The following TRPC4AP variants were observed in gnomAD, a reference collection of about 807,000 sequenced individuals.
TRPC4AP encodes the protein transient receptor potential cation channel subfamily C member 4 associated protein.
A neutral mutation model predicts 99.0 loss-of-function variants in TRPC4AP; 45 were observed. The observed-to-expected ratio is 0.45, with a 90% CI of 0.36 to 0.58. The LOEUF (loss-of-function observed/expected upper bound fraction) is 0.58. TRPC4AP is among the 20% of genes least tolerant of loss of function. The pLI is 0.00. For synonymous variants in TRPC4AP, 408 were observed against 385.8 expected, an observed-to-expected ratio of 1.06 and a Z score of -0.67; for missense variants, 879 against 985.3, an observed-to-expected ratio of 0.89 and a Z score of 1.44.
In TRPC4AP at chr20:35,092,614, C is replaced by T. The variant is rs1485056597; in HGVS notation, c.168G>A (p.Gln56=). 4 of 1,509,196 alleles carry T rather than the reference C, an allele frequency of 2.7e-6. No homozygotes were observed. Among genetic ancestry groups the T allele is most frequent in the Non-Finnish European group, 2.6e-6 (3 of 1,136,776 alleles). 93.5% of individuals were successfully genotyped at this position (1,509,196 alleles called of 1,614,324 possible). Residue 56 remains glutamine (Q), a splice_region_variant and synonymous_variant, in exon 1 of 19, where the codon CAG becomes CAA. Coordinates refer to ENST00000252015, the MANE Select transcript of TRPC4AP (RefSeq NM_015638.3). ...CGCCCCTCCTGGTCCAGCCTCGTAC[C>T]TGCACCGCCCGGACCAGGCCCCGGC... ...LTGRGLVRAV[Q]FTETFLTERD...
At chr20:35,074,234 T>C (rs572735060) in intron 2 of TRPC4AP, among the ~76,000 whole-genome samples, 7 of 152,208 alleles carry the variant, frequency 4.6e-5, no homozygotes, top group Non-Finnish European at 8.8e-5. Context: ...CTGGATTCAT[T>C]GATTTTTTGA....
chr20:35,048,595 T>C (rs1362249404), intron 6 of TRPC4AP, among the ~76,000 whole-genome samples: 2 of 152,222 alleles, frequency 1.3e-5, no homozygotes, highest in Non-Finnish European at 2.9e-5. Flanking sequence ...TTTCCCAGTT[T>C]ATGGTGTTTC....
chr20:35,045,955 C>T (rs6088691), intron 6 of TRPC4AP, among the ~76,000 whole-genome samples: 28,030 of 152,178 alleles, frequency 0.18, 2,674 homozygotes, highest in Middle Eastern at 0.34. Flanking sequence ...ATGTATGAGC[C>T]ACTGTGCCTG....
chr20:35,079,034 C>T (rs941441419), intron 1 of TRPC4AP, among the ~76,000 whole-genome samples: 4 of 152,024 alleles, frequency 2.6e-5, no homozygotes, highest in Non-Finnish European at 5.9e-5. Flanking sequence ...CCATGGCACC[C>T]CAGCCTGGGC....
At chr20:35,092,537 G>A in intron 1 of TRPC4AP, 77 bp downstream of exon 1, 1 of 1,399,990 alleles carries the variant, frequency 7.1e-7, no homozygotes, top group East Asian at 3.0e-5. Context: ...CGGCGGCCTG[G>A]AAAGGCCTCT....
At chr20:35,028,824 G>T (rs940232912) in intron 8 of TRPC4AP, among the ~76,000 whole-genome samples, 1 of 152,108 alleles carries the variant, frequency 6.6e-6, no homozygotes, top group South Asian at 2.1e-4. Flanking sequence ...GTTAGTTTTT[G>T]CTTCATGTAT....
At chr20:35,072,666 G>T (rs1028825365) in intron 2 of TRPC4AP, among the ~76,000 whole-genome samples, 6 of 152,178 alleles carry the variant, frequency 3.9e-5, no homozygotes, top group South Asian at 2.1e-4. Flanking sequence ...ATAGTACCAT[G>T]CTGTTTTGGT....
At chr20:35,021,111 C>G in intron 9 of TRPC4AP, 79 bp downstream of exon 9, 1 of 1,499,564 alleles carries the variant, frequency 6.7e-7, no homozygotes, top group Non-Finnish European at 9.1e-7. Flanking sequence ...AACAGAAGGC[C>G]CAGTGGAGCA....
intron 13 of TRPC4AP, 100 bp downstream of exon 13, chr20:35,008,564 G>T: frequency 1.0e-6 from 1 of 982,740 alleles, no homozygotes; most frequent in Non-Finnish European, 1.6e-6. Context: ...TGCTTCAGGA[G>T]GCATGGACGC....
In TRPC4AP at chr20:35,003,698, G is replaced by A. The variant is rs575817504; in HGVS notation, c.2050-82C>T. 1.2e-5 allele frequency: 18 copies of A among 1,457,014 alleles called. No homozygotes were observed. In the South Asian group the frequency reaches 2.1e-4, roughly 17 times the overall value. The allele number at this position is 1,457,014 out of a possible 1,614,324, so 90.3% of individuals were successfully genotyped here. A position where few individuals can be genotyped will look rare whatever the true frequency, so the allele number is the denominator to read the frequency against. On this transcript the variant is annotated intron_variant, in intron 17 of 18. Transcript: ENST00000252015. Reference sequence around the variant, plus strand: ...GTGAACCTGGGTAGCCATCAGGCAGGGAGGAGAGTGGCCCCAGGCCTCGGG... The same window carrying A: ...GTGAACCTGGGTAGCCATCAGGCAGAGAGGAGAGTGGCCCCAGGCCTCGGG...
At chr20:35,052,303 A>C (rs944487558) in intron 5 of TRPC4AP, among the ~76,000 whole-genome samples, 8 of 152,108 alleles carry the variant, frequency 5.3e-5, no homozygotes, top group African/African-American at 1.9e-4. Flanking sequence ...TATGTTGCCC[A>C]GGCTGGTCTT....
chr20:35,006,487 A>T lies in TRPC4AP; in HGVS notation c.1775T>A (p.Phe592Tyr). 1 of 1,614,160 alleles carries T rather than the reference A, an allele frequency of 6.2e-7. No individual in the cohort carries two copies. The highest frequency in any genetic ancestry group is 8.5e-7 in the Non-Finnish European group (1 of 1,180,010). Residue 592 changes from phenylalanine (F) to tyrosine (Y), a missense_variant, in exon 15 of 19, where the codon TTC becomes TAC. This residue lies in a region of TRPC4AP where 224 missense variants were observed against 264.7 expected (regional missense o/e 0.85). Transcript: ENST00000252015. ...YFDLLGELMK[F>Y]NVDAFKRFNK... ...GAATCTCTTGAATGCATCAACGTTGAACTTCATCAGCTCCCCCAGGAGGTC... is the reference window on the plus strand; with the variant it reads ...GAATCTCTTGAATGCATCAACGTTGTACTTCATCAGCTCCCCCAGGAGGTC...
In TRPC4AP at chr20:35,016,150, T is replaced by C. The variant is rs753872196; in HGVS notation, c.1219-11A>G. 3.7e-6 allele frequency: 6 copies of C among 1,613,936 alleles called. No individual in the cohort carries two copies. Among genetic ancestry groups the C allele is most frequent in the African/African-American group, 1.3e-5 (1 of 74,896 alleles). On this transcript the variant is annotated splice_polypyrimidine_tract_variant and intron_variant, in intron 9 of 18. Transcript: ENST00000252015. ...AATCATTCTGTGAACCTGAATGGGATAGGAAGGAAAAAGTATTAAGACAAA... is the reference window on the plus strand; with the variant it reads ...AATCATTCTGTGAACCTGAATGGGACAGGAAGGAAAAAGTATTAAGACAAA...
At chr20:35,063,720 G>A (rs912805266) in intron 3 of TRPC4AP, among the ~76,000 whole-genome samples, 12 of 152,032 alleles carry the variant, frequency 7.9e-5, no homozygotes, top group Admixed American at 1.3e-4. Context: ...AATTAGCCAC[G>A]TGTGATGGCA....
intron 3 of TRPC4AP, among the ~76,000 whole-genome samples, chr20:35,068,984 A>AAAAC (rs144241228): frequency 0.33 from 46,728 of 139,836 alleles, 8,708 homozygotes; most frequent in East Asian, 0.65. Flanking sequence ...CACACAAAAA[A>AAAAC]AACAAAACAT....
intron 1 of TRPC4AP, among the ~76,000 whole-genome samples, chr20:35,089,437 C>T (rs1200729406): frequency 6.7e-6 from 1 of 149,982 alleles, no homozygotes; most frequent in East Asian, 1.9e-4. Flanking sequence ...GGCTCCACCA[C>T]ACTGCCCAGG....
Position 35,003,286 on chromosome 20 carries a change from G to A in TRPC4AP, c.2257-3C>T. 6.2e-7 allele frequency: 1 copy of A among 1,613,366 alleles called. No individual in the cohort carries two copies. The highest frequency in any genetic ancestry group is 8.5e-7 in the Non-Finnish European group (1 of 1,179,726). ...TATGAGAAGCTGATGCAGGAGCTCT[G>A]GGCAAAGAGGGAGGGGCTGGGGGGC... On this transcript the variant is annotated splice_polypyrimidine_tract_variant and splice_region_variant and intron_variant, in intron 18 of 18. Transcript: ENST00000252015.
intron 5 of TRPC4AP, among the ~76,000 whole-genome samples, chr20:35,050,531 G>A (rs1197887394): frequency 1.3e-5 from 2 of 151,682 alleles, no homozygotes; most frequent in African/African-American, 4.8e-5. Flanking sequence ...CCTGGCCAAC[G>A]TGCCAAAACC....
chr20:35,045,162 G>A (rs977620249), intron 6 of TRPC4AP, among the ~76,000 whole-genome samples: 8 of 152,052 alleles, frequency 5.3e-5, no homozygotes, highest in Non-Finnish European at 1.2e-4. Flanking sequence ...CCCTGCAGAC[G>A]TAAACATTAT....
Sources: gnomAD v4.1 joint callset for allele counts (sites outside exome capture counted in the v4.1 genomes callset) on GRCh38, gnomAD v4.1.1 for gene constraint, gnomAD v4.1.1 regional missense constraint, MANE v1.5 for transcripts, NCBI Gene and HGNC (gene_info 2026-07-23, HGNC 2026-07-21) for gene names.